ROBO1: variants seen among roughly 807,000 people sequenced by gnomAD.
The protein encoded by ROBO1 is roundabout homolog 1.
A neutral mutation model predicts 195.9 loss-of-function variants in ROBO1; 149 were observed. The observed-to-expected ratio is 0.76, with a 90% confidence interval of 0.67 to 0.87. ROBO1 has a LOEUF of 0.87. Ranked by LOEUF, ROBO1 falls within the 40% of genes least tolerant of loss-of-function variation. The probability of loss-of-function intolerance (pLI) is 0.00; values close to 1 mark genes in which losing one functional copy is unlikely to be tolerated. For synonymous variants in ROBO1, 816 were observed against 733.2 expected, an observed-to-expected ratio of 1.11 and a Z score of -1.82; for missense variants, 1,933 against 2,068.3, an observed-to-expected ratio of 0.93 and a Z score of 1.27.
At chr3:78,914,908 T>C (rs1217202097) in intron 4 of ROBO1, among the ~76,000 whole-genome samples, 2 of 151,628 alleles carry the variant, frequency 1.3e-5, no homozygotes, top group Non-Finnish European at 2.9e-5. Flanking sequence ...TATTATATAA[T>C]ATATGAATGT....
chr3:78,767,043 C>T (rs1025081262), intron 4 of ROBO1, among the ~76,000 whole-genome samples: 1 of 152,080 alleles, frequency 6.6e-6, no homozygotes, highest in African/African-American at 2.4e-5. Context: ...AGGATTTTAG[C>T]ATCTGTGTTC....
At chr3:79,572,419 T>C (rs1482576637) in intron 2 of ROBO1, among the ~76,000 whole-genome samples, 4 of 152,104 alleles carry the variant, frequency 2.6e-5, no homozygotes, top group Non-Finnish European at 5.9e-5. Context: ...ATTTTACCTG[T>C]ATTATATAAT....
intron 3 of ROBO1, among the ~76,000 whole-genome samples, chr3:78,991,610 C>T (rs1281875096): frequency 6.6e-6 from 1 of 152,178 alleles, no homozygotes; most frequent in East Asian, 1.9e-4. Context: ...GATCCTGTAT[C>T]CTGACAGCTG....
chr3:78,896,395 C>T (rs2037231223), intron 4 of ROBO1, among the ~76,000 whole-genome samples: 1 of 152,012 alleles, frequency 6.6e-6, no homozygotes, highest in Admixed American at 6.6e-5. Flanking sequence ...TGACATTCCA[C>T]CATTGTAATT....
chr3:79,265,460 CAGAAGCCTGCACTAATGG>C (rs2083022688), intron 2 of ROBO1, among the ~76,000 whole-genome samples: 1 of 151,410 alleles, frequency 6.6e-6, no homozygotes, highest in Non-Finnish European at 1.5e-5. Context: ...ATAATGCAGG[CAGAAGCCTGCACTAATGG>C]AGTTTAATAT....
intron 1 of ROBO1, among the ~76,000 whole-genome samples, chr3:79,748,186 C>T (rs893267054): frequency 1.2e-4 from 18 of 152,072 alleles, no homozygotes; most frequent in Middle Eastern, 3.2e-3. Context: ...AAATCTTCAT[C>T]TTTTATTGAA....
At chr3:79,048,460 G>T (rs1174177662) in intron 3 of ROBO1, among the ~76,000 whole-genome samples, 1 of 151,938 alleles carries the variant, frequency 6.6e-6, no homozygotes, top group Non-Finnish European at 1.5e-5. Flanking sequence ...TGATTCTCTT[G>T]TACATCTAAT....
chr3:78,781,177 T>C (rs2083666731), intron 4 of ROBO1, among the ~76,000 whole-genome samples: 4 of 152,150 alleles, frequency 2.6e-5, no homozygotes, highest in African/African-American at 9.7e-5. Context: ...TATTAGTATA[T>C]ATAAGTAAGC....
At chr3:79,147,619 A>ATTTTC (rs1245730437) in intron 2 of ROBO1, among the ~76,000 whole-genome samples, 4 of 151,956 alleles carry the variant, frequency 2.6e-5, no homozygotes, top group African/African-American at 9.7e-5. Context: ...TGAACAGAAA[A>ATTTTC]GTACTTGTCT....
chr3:79,452,200 T>C lies in ROBO1; in HGVS notation c.88+137624A>G, dbSNP rs148133179. Among the ~76,000 whole-genome samples the C allele has an allele frequency of 3.9e-5, 6 of 152,216 alleles. No homozygotes were observed. The South Asian group carries it at 6.2e-4, about 16-fold the overall frequency. On this transcript the variant is annotated intron_variant, in intron 2 of 30. Transcript: ENST00000464233. ...GATTAGTTTATCAAATAAAAACCTA[T>C]AATCATCTCACTATACATGTCTTTT...
chr3:79,447,265 C>A (rs922894678), intron 2 of ROBO1, among the ~76,000 whole-genome samples: 5 of 151,962 alleles, frequency 3.3e-5, no homozygotes, highest in African/African-American at 1.2e-4. Context: ...ATTGAAGAAA[C>A]TGAGAATGTA....
At chr3:78,857,280 A>T (rs2034508219) in intron 4 of ROBO1, among the ~76,000 whole-genome samples, 1 of 152,202 alleles carries the variant, frequency 6.6e-6, no homozygotes, top group Admixed American at 6.5e-5. Context: ...TCTATTAGAC[A>T]TGGGTACACA....
chr3:78,948,281 C>G (rs1169085655), intron 3 of ROBO1, among the ~76,000 whole-genome samples: 2 of 152,120 alleles, frequency 1.3e-5, no homozygotes, highest in African/African-American at 4.8e-5. Flanking sequence ...TACTGGCAAA[C>G]CAAATCCAGC....
intron 1 of ROBO1, among the ~76,000 whole-genome samples, chr3:79,698,046 T>G (rs893818031): frequency 2.0e-5 from 3 of 151,490 alleles, no homozygotes; most frequent in Non-Finnish European, 4.4e-5. Flanking sequence ...TATTGCAGCA[T>G]TAAGCATTAA....
intron 2 of ROBO1, among the ~76,000 whole-genome samples, chr3:79,394,187 G>C (rs2106731281): frequency 6.6e-6 from 1 of 152,040 alleles, no homozygotes; most frequent in East Asian, 1.9e-4. Context: ...GAAATTTTCA[G>C]GTCAGAAAAG....
chr3:79,384,935 C>T (rs1213634088), intron 2 of ROBO1, among the ~76,000 whole-genome samples: 1 of 151,980 alleles, frequency 6.6e-6, no homozygotes, highest in Non-Finnish European at 1.5e-5. Flanking sequence ...CTCTTCTTTT[C>T]TTACACGGGA....
At chr3:79,036,659 G>GAA (rs956157014) in intron 3 of ROBO1, among the ~76,000 whole-genome samples, 1 of 149,588 alleles carries the variant, frequency 6.7e-6, no homozygotes, top group African/African-American at 2.5e-5. Flanking sequence ...TTCCTTTCTG[G>GAA]AAAAAAAAAG....
chr3:78,703,296 C>T (rs1211081949), intron 8 of ROBO1, among the ~76,000 whole-genome samples: 1 of 152,118 alleles, frequency 6.6e-6, no homozygotes, highest in Admixed American at 6.6e-5. Flanking sequence ...AGGAGTGGTG[C>T]TCAGCATCTT....
intron 4 of ROBO1, among the ~76,000 whole-genome samples, chr3:78,818,389 C>T (rs1471472300): frequency 6.6e-6 from 1 of 152,192 alleles, no homozygotes; most frequent in East Asian, 1.9e-4. Context: ...TCCCCTGTGC[C>T]TCTGGGAGGT....
Sources: gnomAD v4.1 joint callset for allele counts (sites outside exome capture counted in the v4.1 genomes callset) on GRCh38, gnomAD v4.1.1 for gene constraint, MANE v1.5 for transcripts, NCBI Gene and HGNC (gene_info 2026-07-23, HGNC 2026-07-21) for gene names.